DPP8: variants seen among roughly 807,000 people sequenced by gnomAD.
The protein encoded by DPP8 is DPP VIII.
A neutral mutation model predicts 107.5 loss-of-function variants in DPP8; 31 were observed. That is an observed-to-expected ratio of 0.29 (90% CI 0.22 to 0.39). The LOEUF (loss-of-function observed/expected upper bound fraction) is 0.39, where lower values mean the gene tolerates loss of function less well. Ranked by LOEUF, DPP8 falls within the 10% of genes least tolerant of loss-of-function variation. The pLI, the probability that DPP8 is intolerant of heterozygous loss-of-function variation, is 1.00. For missense variants in DPP8, 842 were observed against 1,076.1 expected, an observed-to-expected ratio of 0.78 and a Z score of 3.04; for synonymous variants, 381 against 356.6, an observed-to-expected ratio of 1.07 and a Z score of -0.77.
At chr15:65,485,002 A>C (rs1344106033) in intron 8 of DPP8, 97 bp downstream of exon 8, 12 of 954,516 alleles carry the variant, frequency 1.3e-5, no homozygotes, top group Non-Finnish European at 2.0e-5. Context: ...CAGCAAGTTC[A>C]GCAAGTCCAA....
chr15:65,503,341 G>C (rs1326801473), intron 3 of DPP8, among the ~76,000 whole-genome samples: 3 of 152,244 alleles, frequency 2.0e-5, no homozygotes, highest in African/African-American at 7.2e-5. Context: ...CCTGATCTCA[G>C]GTGATCCACC....
Position 65,489,722 on chromosome 15 carries a change from T to C in DPP8, c.826+467A>G, listed in dbSNP as rs561058680. 2.4e-4 allele frequency among the ~76,000 whole-genome samples: 35 copies of C among 148,660 alleles called. No homozygotes were observed. The East Asian group carries it at 3.9e-3, about 16-fold the overall frequency. ...CGTAAGCCACCACGCCCGGCCATAATGTACATATTTTTGAGACAAAGTTTT... is the reference window on the plus strand; with the variant it reads ...CGTAAGCCACCACGCCCGGCCATAACGTACATATTTTTGAGACAAAGTTTT... On this transcript the variant is annotated intron_variant, in intron 6 of 19. Coordinates refer to ENST00000300141, the MANE Select transcript of DPP8 (RefSeq NM_130434.5).
intron 19 of DPP8, 25 bp from the exon 20 acceptor site, chr15:65,447,031 T>TAA: frequency 1.4e-6 from 2 of 1,462,430 alleles, no homozygotes; most frequent in South Asian, 1.4e-5. Flanking sequence ...AAAATAAAGA[T>TAA]ACAAAAAAAA....
rs536165713 is a variant in DPP8, at chr15:65,467,737, C to T, written c.1537-514G>A. Among the ~76,000 whole-genome samples the T allele has an allele frequency of 1.2e-3, 186 of 152,304 alleles. 2 individuals are homozygous for T. The highest frequency in any genetic ancestry group is 4.3e-3 in the African/African-American group (179 of 41,556). ...TGAAGGAAAAAGGACACCTGAGTTACACACTGTATAGTTTCCCATCTGGTC... is the reference window on the plus strand; with the variant it reads ...TGAAGGAAAAAGGACACCTGAGTTATACACTGTATAGTTTCCCATCTGGTC... On this transcript the variant is annotated intron_variant, in intron 12 of 19. Coordinates refer to ENST00000300141, the MANE Select transcript of DPP8 (RefSeq NM_130434.5).
rs577379683 is a variant in DPP8 at position 65,466,434 on chromosome 15, G to C, written c.1825+244C>G. Among the ~76,000 whole-genome samples, 202 of 152,188 alleles carry C rather than the reference G, an allele frequency of 1.3e-3. No homozygotes were observed. The highest frequency in any genetic ancestry group is 4.7e-3 in the African/African-American group (197 of 41,516). ...ATTACAGGTGTGAGCCACTGCACCT[G>C]GCCTTAACCTTATTTTCAAAAAGGC... is the stretch of plus-strand genomic sequence containing the variant. On this transcript the variant is annotated intron_variant, in intron 14 of 19. Coordinates refer to ENST00000300141, the MANE Select transcript of DPP8 (RefSeq NM_130434.5).
At chr15:65,494,128 A>T (rs2068322849) in intron 5 of DPP8, among the ~76,000 whole-genome samples, 1 of 148,188 alleles carries the variant, frequency 6.7e-6, no homozygotes, top group Admixed American at 6.9e-5. Context: ...GTAGACTTGA[A>T]ATTCAAACCG....
intron 8 of DPP8, among the ~76,000 whole-genome samples, chr15:65,482,013 T>C (rs1049171391): frequency 5.3e-5 from 8 of 151,540 alleles, no homozygotes; most frequent in Non-Finnish European, 1.2e-4. Flanking sequence ...TATTTATACA[T>C]ATATATGTGT....
intron 1 of DPP8, 186 bp from the exon 2 acceptor site, chr15:65,512,750 T>A: frequency 6.5e-6 from 4 of 613,344 alleles, no homozygotes; most frequent in African/African-American, 1.9e-5. Flanking sequence ...AGTTTAAAAA[T>A]GAAATTAAAA....
intron 5 of DPP8, among the ~76,000 whole-genome samples, chr15:65,497,442 C>T (rs917185872): frequency 4.6e-5 from 7 of 151,828 alleles, no homozygotes; most frequent in Non-Finnish European, 8.8e-5. Context: ...TTTTGTCAAA[C>T]GAGGTGTCAC....
intron 12 of DPP8, among the ~76,000 whole-genome samples, chr15:65,472,406 G>A (rs758785385): frequency 3.3e-5 from 5 of 152,042 alleles, no homozygotes; most frequent in South Asian, 2.1e-4. Flanking sequence ...CGATTCTCCT[G>A]CCTCAGCCTT....
intron 17 of DPP8, among the ~76,000 whole-genome samples, chr15:65,452,982 A>G (rs188048544): frequency 3.9e-4 from 59 of 152,302 alleles, no homozygotes; most frequent in Non-Finnish European, 5.9e-5. Flanking sequence ...AAAATAAAAT[A>G]AAATAAAATT....
Position 65,507,351 on chromosome 15 carries a change from C to A in DPP8, c.264G>T (p.Met88Ile), listed in dbSNP as rs771531382. 7 of 1,577,614 alleles carry A rather than the reference C, an allele frequency of 4.4e-6. No homozygotes were observed. Among genetic ancestry groups the A allele is most frequent in the Non-Finnish European group, 6.1e-6 (7 of 1,151,668 alleles). ...GTGTATTTTCTCTGTTCTCACCAGA[C>A]ATGGCTATAGGAGAAAGCAATCATT... ...PHSDRIYYLA[M>I]SGENRENTLF... Residue 88 changes from methionine to isoleucine, a missense_variant, in exon 3 of 20, where the codon ATG (methionine) becomes ATT (isoleucine). Physicochemically the swap from Met to Ile is conservative, Grantham distance 10 (BLOSUM62 1). Coordinates refer to ENST00000300141, the MANE Select transcript of DPP8 (RefSeq NM_130434.5).
At chr15:65,495,984 CTTTT>C (rs1167131689) in intron 5 of DPP8, among the ~76,000 whole-genome samples, 5 of 151,544 alleles carry the variant, frequency 3.3e-5, no homozygotes, top group Admixed American at 1.3e-4. Context: ...GATTTTCTTT[CTTTT>C]TTCTTTTTTT....
intron 11 of DPP8, among the ~76,000 whole-genome samples, chr15:65,478,458 C>T (rs2066606888): frequency 6.6e-6 from 1 of 152,136 alleles, no homozygotes; most frequent in Non-Finnish European, 1.5e-5. Flanking sequence ...TGGTGTTTCA[C>T]CATGTTGGCC....
chr15:65,454,119 A>G (rs1321077323), intron 17 of DPP8, 144 bp downstream of exon 17: 1 of 544,586 alleles, frequency 1.8e-6, no homozygotes, highest in Non-Finnish European at 2.8e-6. Flanking sequence ...CCCGGGTTAC[A>G]GAGCAAGACT....
At chr15:65,469,792 T>C (rs1244097643) in intron 12 of DPP8, among the ~76,000 whole-genome samples, 1 of 151,456 alleles carries the variant, frequency 6.6e-6, no homozygotes, top group Non-Finnish European at 1.5e-5. Flanking sequence ...GCCGAGATCG[T>C]ACCACTGCAC....
chr15:65,475,307 T>G (rs1595948921), intron 11 of DPP8: 1 of 804,358 alleles, frequency 1.2e-6, no homozygotes. Flanking sequence ...CAGTGGTAGG[T>G]GGAAGTTGGG....
At chr15:65,512,195 G>C in intron 2 of DPP8, 100 bp downstream of exon 2, 1 of 1,194,668 alleles carries the variant, frequency 8.4e-7, no homozygotes, top group South Asian at 1.3e-5. Context: ...AAAAGTCACT[G>C]ATTAATTTAT....
rs1165824150 is a variant in DPP8 at position 65,484,905 on chromosome 15, T to C, written c.1017+194A>G. Among the ~76,000 whole-genome samples the C allele has an allele frequency of 9.2e-5, 14 of 152,158 alleles. No homozygotes were observed. In the East Asian group the frequency reaches 2.5e-3, roughly 27 times the overall value. On this transcript the variant is annotated intron_variant, in intron 8 of 19. Transcript: ENST00000300141. The stretch of plus-strand genomic sequence containing the variant: ...ATTGGAAAGGAGTGGTTAATATGCA[T>C]ATCCCCATATTCCCATCTTATGAAC...
Sources: gnomAD v4.1 joint callset for allele counts (sites outside exome capture counted in the v4.1 genomes callset) on GRCh38, gnomAD v4.1.1 for gene constraint, MANE v1.5 for transcripts, NCBI Gene and HGNC (gene_info 2026-07-23, HGNC 2026-07-21) for gene names.